Variants in ACBD5 observed in about 807,000 individuals in gnomAD.
ACBD5 encodes acyl-CoA-binding domain-containing protein 5.
A neutral mutation model predicts 71.8 loss-of-function variants in ACBD5; 40 were observed. The observed-to-expected ratio is 0.56, with a 90% CI of 0.43 to 0.72. ACBD5 has a LOEUF of 0.72. ACBD5 is among the 30% of genes least tolerant of loss of function. The pLI is 0.00. For missense variants in ACBD5, 559 were observed against 644.5 expected, an observed-to-expected ratio of 0.87 and a Z score of 1.44; for synonymous variants, 229 against 218.6, an observed-to-expected ratio of 1.05 and a Z score of -0.42.
At position 27,204,924 on chromosome 10, in the gene ACBD5, GA is replaced by G. The variant is rs529876764; in HGVS notation, c.1455+273del. Among the ~76,000 whole-genome samples, 300 of 152,154 alleles carry G rather than the reference GA, an allele frequency of 2.0e-3. 1 individual carries two copies. The highest frequency in any genetic ancestry group is 6.9e-3 in the African/African-American group (285 of 41,502). On this transcript the variant is annotated intron_variant, in intron 11 of 12. Coordinates refer to ENST00000396271, the MANE Select transcript of ACBD5 (RefSeq NM_145698.5). ...GGGCAGATCACGAGGTCAGGAGATCGAGACCATCTTGGCTAACATGGTGAAA... is the reference window on the plus strand; with the variant it reads ...GGGCAGATCACGAGGTCAGGAGATCGGACCATCTTGGCTAACATGGTGAAA...
intron 2 of ACBD5, among the ~76,000 whole-genome samples, chr10:27,235,549 C>T (rs892500865): frequency 1.3e-5 from 2 of 152,156 alleles, no homozygotes; most frequent in Non-Finnish European, 2.9e-5. Context: ...ATTAAGCAAT[C>T]GTAATAAGGT....
At chr10:27,193,175 T>A (rs2059154954), downstream of ACBD5, among the ~76,000 whole-genome samples, 3 of 115,440 alleles carry the variant, frequency 2.6e-5, no homozygotes, top group South Asian at 2.9e-4. Context: ...GTGTGTGTCT[T>A]GCTCTGTTTC....
chr10:27,191,492 C>T (rs1031181890), downstream of ACBD5, among the ~76,000 whole-genome samples: 3 of 151,846 alleles, frequency 2.0e-5, no homozygotes, highest in Non-Finnish European at 4.4e-5. Context: ...CAGATGTTGA[C>T]GGTGGAAGAG....
chr10:27,231,723 T>C, intron 4 of ACBD5, 25 bp downstream of exon 4: 1 of 1,609,894 alleles, frequency 6.2e-7, no homozygotes, highest in Non-Finnish European at 8.5e-7. Flanking sequence ...GAATTTTCAT[T>C]TTAACTGTGA....
Position 27,219,748 on chromosome 10 carries a change from C to A in ACBD5, c.600G>T (p.Val200=), listed in dbSNP as rs369662035. 2 of 1,613,968 alleles carry A rather than the reference C, an allele frequency of 1.2e-6. No homozygotes were observed. Among genetic ancestry groups the A allele is most frequent in the Non-Finnish European group, 1.7e-6 (2 of 1,179,998 alleles). The change falls in exon 6 of 13, where the codon GTG becomes GTT. Residue 200 remains valine (V), a synonymous_variant. Transcript: ENST00000396271. The part of the protein sequence containing the change: ...ESEEEEAQEE[V]KGAEQSDNDK... ...CATTATCACTTTGTTCTGCTCCTTTCACTTCTTCTTGGGCCTCTTCTTCCT... is the reference window on the plus strand; with the variant it reads ...CATTATCACTTTGTTCTGCTCCTTTAACTTCTTCTTGGGCCTCTTCTTCCT...
intron 4 of ACBD5, among the ~76,000 whole-genome samples, chr10:27,227,267 G>C (rs2063201528): frequency 6.6e-6 from 1 of 151,978 alleles, no homozygotes; most frequent in Non-Finnish European, 1.5e-5. Flanking sequence ...ATTTTTCTAG[G>C]TCTGTCCAGC....
chr10:27,197,766 C>T (rs1380795188), intron 12 of ACBD5, among the ~76,000 whole-genome samples: 1 of 152,172 alleles, frequency 6.6e-6, no homozygotes, highest in East Asian at 1.9e-4. Flanking sequence ...CCTGCCTCAG[C>T]CTTGCAAGTA....
In ACBD5 at chr10:27,197,366, A is replaced by G; in HGVS notation, c.*64T>C. On this transcript the variant is annotated 3_prime_UTR_variant, in exon 13 of 13. Transcript: ENST00000396271. ...AAACTAAGATTTTCTTGTGAACACC[A>G]CAATCCAGTTCATTCTGAGGTCATC... is the stretch of plus-strand genomic sequence containing the variant. The G allele has an allele frequency of 6.6e-7, 1 of 1,507,196 alleles. No individual in the cohort carries two copies. Among genetic ancestry groups the G allele is most frequent in the Non-Finnish European group, 9.2e-7 (1 of 1,084,110 alleles). The allele number at this position is 1,507,196 out of a possible 1,614,324, so 93.4% of individuals were successfully genotyped here.
At chr10:27,224,768 C>A (rs570037093) in intron 4 of ACBD5, among the ~76,000 whole-genome samples, 1 of 152,058 alleles carries the variant, frequency 6.6e-6, no homozygotes, top group African/African-American at 2.4e-5. Flanking sequence ...TGGTGGCTCA[C>A]GCCTGTAATC....
intron 4 of ACBD5, among the ~76,000 whole-genome samples, chr10:27,224,321 G>A (rs1249613635): frequency 6.6e-6 from 1 of 152,102 alleles, no homozygotes; most frequent in African/African-American, 2.4e-5. Flanking sequence ...AGGCTGCAGT[G>A]AGCCATGATC....
At chr10:27,187,254 C>A (rs906079867) in intron 13 of ACBD5, among the ~76,000 whole-genome samples, 1 of 151,950 alleles carries the variant, frequency 6.6e-6, no homozygotes, top group East Asian at 1.9e-4. Context: ...GAGCCAAGAT[C>A]GTGCCACTGC....
At chr10:27,189,715 T>G (rs1327598361) in intron 13 of ACBD5, among the ~76,000 whole-genome samples, 1 of 151,520 alleles carries the variant, frequency 6.6e-6, no homozygotes, top group Admixed American at 6.6e-5. Flanking sequence ...TGTATACATA[T>G]GTAACAAACC....
chr10:27,189,789 A>ATATATATATATAT (rs200900778), intron 13 of ACBD5, among the ~76,000 whole-genome samples: 1 of 147,804 alleles, frequency 6.8e-6, no homozygotes, highest in Admixed American at 6.7e-5. Context: ...TATATATATA[A>ATATATATATATAT]ATAAACTTTT....
intron 12 of ACBD5, among the ~76,000 whole-genome samples, chr10:27,202,755 A>T (rs942465464): frequency 6.6e-6 from 1 of 152,126 alleles, no homozygotes; most frequent in Admixed American, 6.5e-5. Context: ...TGCATTAAAA[A>T]TATGTAAACA....
At chr10:27,184,260 T>A (rs547382532) in intron 13 of ACBD5, among the ~76,000 whole-genome samples, 1 of 152,308 alleles carries the variant, frequency 6.6e-6, no homozygotes, top group East Asian at 1.9e-4. Context: ...ACGAGACTTC[T>A]TTTTAGACAG....
intron 4 of ACBD5, among the ~76,000 whole-genome samples, chr10:27,227,198 T>C (rs1009319165): frequency 6.6e-6 from 1 of 152,020 alleles, no homozygotes; most frequent in African/African-American, 2.4e-5. Flanking sequence ...AAGAATGTTT[T>C]GACAGAAATA....
intron 5 of ACBD5, 22 bp from the exon 6 acceptor site, chr10:27,219,879 TACTC>T: frequency 1.2e-6 from 2 of 1,612,186 alleles, no homozygotes; most frequent in South Asian, 2.2e-5. Context: ...AATGACCACT[TACTC>T]ACAATGTGAT....
chr10:27,240,546 G>T lies in ACBD5; in HGVS notation c.16-62C>A. ...CAAAAGGAGGAGGCCCGGGAGCGAA[G>T]CGGGTCAGTTCCCCTTTGCCCTGCC... On this transcript the variant is annotated intron_variant, in intron 1 of 12. Coordinates refer to ENST00000396271, the MANE Select transcript of ACBD5 (RefSeq NM_145698.5). The surrounding 1 kb of genome is among the most constrained non-coding windows in gnomAD (Gnocchi z 4.1). 1 of 1,551,216 alleles carries T rather than the reference G, an allele frequency of 6.4e-7. No homozygotes were observed. The highest frequency in any genetic ancestry group is 8.7e-7 in the Non-Finnish European group (1 of 1,146,050).
intron 13 of ACBD5, among the ~76,000 whole-genome samples, chr10:27,189,200 C>G (rs1248268248): frequency 6.6e-6 from 1 of 152,220 alleles, no homozygotes; most frequent in African/African-American, 2.4e-5. Context: ...TTCCTTTGTC[C>G]TGTCATTTCT....
Sources: gnomAD v4.1 joint callset for allele counts (sites outside exome capture counted in the v4.1 genomes callset) on GRCh38, gnomAD v4.1.1 for gene constraint, Gnocchi (gnomAD v3.1) non-coding constraint, MANE v1.5 for transcripts, NCBI Gene and HGNC (gene_info 2026-07-23, HGNC 2026-07-21) for gene names.